ADAM12: variants seen among roughly 807,000 people sequenced by gnomAD.
ADAM12 encodes the protein disintegrin and metalloproteinase domain-containing protein 12.
Under a neutral mutation model 106.4 loss-of-function variants are expected in ADAM12, and 70 were observed. The observed-to-expected ratio is 0.66, with a 90% CI of 0.54 to 0.80. ADAM12 has a LOEUF of 0.80. Ranked by LOEUF, ADAM12 falls within the 30% of genes least tolerant of loss-of-function variation. The pLI, the probability that ADAM12 is intolerant of heterozygous loss-of-function variation, is 0.00. For synonymous variants in ADAM12, 420 were observed against 433.5 expected (o/e 0.97, Z 0.39); for missense variants, 1,010 against 1,171.9 (o/e 0.86, Z 2.02).
chr10:126,083,732 G>A (rs994062794), intron 11 of ADAM12, among the ~76,000 whole-genome samples: 3 of 152,224 alleles, frequency 2.0e-5, no homozygotes, highest in South Asian at 2.1e-4. Flanking sequence ...TAGGCGCCCC[G>A]CCTCAAAAGC....
At chr10:126,373,267 G>A (rs531127162) in intron 1 of ADAM12, among the ~76,000 whole-genome samples, 23 of 152,264 alleles carry the variant, frequency 1.5e-4, no homozygotes, top group Non-Finnish European at 2.6e-4. Context: ...GCAGAGGAGC[G>A]GCTTCTGGGA....
chr10:126,019,756 T>C lies in ADAM12; in HGVS notation c.2599A>G (p.Thr867Ala), dbSNP rs1953726934. Residue 867 changes from threonine (T) to alanine (A), a missense_variant, in exon 22 of 23, where the codon ACT (threonine) becomes GCT (alanine). Thr to Ala is a moderately conservative substitution (Grantham distance 58). Around this residue, in one of 3 missense-constraint regions of ADAM12, gnomAD observed 615 missense variants for 708.5 expected, o/e 0.87. Transcript: ENST00000448723. ...CCTGGGGTCCTGGCCAAGGCATGAG[T>C]GAGCCGAGTTGTTCTGGCCAGAGGA... ...ADPLARTTRLTHALARTPGQW... is the reference protein window; with the variant it reads ...ADPLARTTRLAHALARTPGQW... 6.2e-7 allele frequency: 1 copy of C among 1,613,856 alleles called. No individual in the cohort carries two copies. The highest frequency in any genetic ancestry group is 1.1e-5 in the South Asian group (1 of 91,062).
intron 3 of ADAM12, among the ~76,000 whole-genome samples, chr10:126,251,158 G>A (rs1287311977): frequency 6.6e-6 from 1 of 152,186 alleles, no homozygotes; most frequent in Non-Finnish European, 1.5e-5. Flanking sequence ...GGCAGACCCT[G>A]CTGAGCGTGT....
At chr10:126,255,216 T>C (rs1958867133) in intron 3 of ADAM12, among the ~76,000 whole-genome samples, 2 of 152,218 alleles carry the variant, frequency 1.3e-5, no homozygotes, top group East Asian at 1.9e-4. Context: ...TGGTGATAAG[T>C]ACAGGTTTCT....
intron 1 of ADAM12, among the ~76,000 whole-genome samples, chr10:126,349,746 A>G (rs1428427463): frequency 6.6e-6 from 1 of 152,238 alleles, no homozygotes; most frequent in Admixed American, 6.5e-5. Context: ...AACAATCCGC[A>G]TATCTCTTCC....
At chr10:126,160,802 C>T (rs1956918414) in intron 3 of ADAM12, among the ~76,000 whole-genome samples, 1 of 152,222 alleles carries the variant, frequency 6.6e-6, no homozygotes, top group South Asian at 2.1e-4. Flanking sequence ...CCACACTGTG[C>T]TCACTTTTCC....
rs745777766 is a variant in ADAM12 at position 126,036,335 on chromosome 10, C to CAAAGT, written c.2350-15_2350-11dup. The stretch of plus-strand genomic sequence containing the variant: ...ATCTCCTGGGATTGTCCTGTACAGT[C>CAAAGT]AAAGTAAAAAGCCATGCTATAGCGG... On this transcript the variant is annotated splice_polypyrimidine_tract_variant and intron_variant, in intron 20 of 22. Coordinates refer to ENST00000448723, the MANE Select transcript of ADAM12 (RefSeq NM_001288973.2). 6.4e-7 allele frequency: 1 copy of CAAAGT among 1,563,946 alleles called. No homozygotes were observed. The highest frequency in any genetic ancestry group is 8.6e-7 in the Non-Finnish European group (1 of 1,161,600).
intron 1 of ADAM12, among the ~76,000 whole-genome samples, chr10:126,337,717 A>C (rs1854757882): frequency 6.6e-6 from 1 of 152,102 alleles, no homozygotes; most frequent in Non-Finnish European, 1.5e-5. Flanking sequence ...CTGACACCTA[A>C]TATTAACCAT....
At chr10:126,347,268 C>A (rs559214937) in intron 1 of ADAM12, among the ~76,000 whole-genome samples, 105 of 152,256 alleles carry the variant, frequency 6.9e-4, no homozygotes, top group Non-Finnish European at 1.3e-3. Flanking sequence ...TTTTATTTCT[C>A]CTTCACTTAT....
At chr10:126,221,127 T>C (rs778880045) in intron 3 of ADAM12, among the ~76,000 whole-genome samples, 1 of 152,200 alleles carries the variant, frequency 6.6e-6, no homozygotes, top group Non-Finnish European at 1.5e-5. Flanking sequence ...CTCACACTTG[T>C]AATCCCAGCA....
chr10:126,382,232 T>C (rs11244973), intron 1 of ADAM12, among the ~76,000 whole-genome samples: 12,297 of 152,058 alleles, frequency 0.081, 620 homozygotes, highest in East Asian at 0.17. Context: ...AAAACCTGTA[T>C]AAGGAGAAGA....
At position 126,053,647 on chromosome 10, in the gene ADAM12, A is replaced by T. The variant is rs1190261309; in HGVS notation, c.1610-3978T>A. On this transcript the variant is annotated intron_variant, in intron 14 of 22. Transcript: ENST00000448723. The surrounding 1 kb of genome is among the most constrained non-coding windows in gnomAD (Gnocchi z 4.6). ...CATTTTAATTTAGATTGTCTTAAAAAAAAAACCTCTCCCACACCGTGGAAC... is the reference window on the plus strand; with the variant it reads ...CATTTTAATTTAGATTGTCTTAAAATAAAAACCTCTCCCACACCGTGGAAC... Among the ~76,000 whole-genome samples, 3 of 152,156 alleles carry T rather than the reference A, an allele frequency of 2.0e-5. No individual in the cohort carries two copies. The highest frequency in any genetic ancestry group is 4.8e-5 in the African/African-American group (2 of 41,440).
intron 3 of ADAM12, among the ~76,000 whole-genome samples, chr10:126,250,326 T>C (rs1958720272): frequency 6.6e-6 from 1 of 152,202 alleles, no homozygotes. Context: ...CTCTCTAAGA[T>C]AAACCACTGG....
intron 6 of ADAM12, among the ~76,000 whole-genome samples, chr10:126,117,503 G>A (rs980833619): frequency 6.6e-6 from 1 of 152,188 alleles, no homozygotes; most frequent in African/African-American, 2.4e-5. Context: ...CACATCACGT[G>A]GAGGAAGGCC....
chr10:126,137,759 T>A (rs550291220), intron 4 of ADAM12, among the ~76,000 whole-genome samples: 1 of 152,370 alleles, frequency 6.6e-6, no homozygotes, highest in African/African-American at 2.4e-5. Context: ...GCCTTGTGGA[T>A]GAAAACATAT....
chr10:126,108,444 G>A, intron 8 of ADAM12, 149 bp downstream of exon 8: 1 of 676,772 alleles, frequency 1.5e-6, no homozygotes, highest in Non-Finnish European at 2.5e-6. Flanking sequence ...CCAGGACCCA[G>A]GAATTACACA....
chr10:126,285,144 G>C (rs1044158277), intron 2 of ADAM12, among the ~76,000 whole-genome samples: 1 of 152,194 alleles, frequency 6.6e-6, no homozygotes, highest in African/African-American at 2.4e-5. Context: ...CTGTGGAATG[G>C]ACATTCTAGA....
At chr10:126,251,684 AGGATGGATG>A (rs1958764175) in intron 3 of ADAM12, among the ~76,000 whole-genome samples, 1 of 137,988 alleles carries the variant, frequency 7.2e-6, no homozygotes, top group East Asian at 2.3e-4. Context: ...TGGGATGGAG[AGGATGGATG>A]GGATGGATGG....
At chr10:126,234,500 C>A (rs1958376599) in intron 3 of ADAM12, among the ~76,000 whole-genome samples, 1 of 152,212 alleles carries the variant, frequency 6.6e-6, no homozygotes, top group South Asian at 2.1e-4. Context: ...TACAACGTTT[C>A]TAGTTCAACA....
Sources: gnomAD v4.1 joint callset for allele counts (sites outside exome capture counted in the v4.1 genomes callset) on GRCh38, gnomAD v4.1.1 for gene constraint, gnomAD v4.1.1 regional missense constraint, Gnocchi (gnomAD v3.1) non-coding constraint, MANE v1.5 for transcripts, NCBI Gene and HGNC (gene_info 2026-07-23, HGNC 2026-07-21) for gene names.